The following RYR3 variants were observed in gnomAD, a reference collection of about 807,000 sequenced individuals.
RYR3 encodes the protein ryanodine receptor 3, also known as brain ryanodine receptor-calcium release channel.
In RYR3, 207 loss-of-function variants were observed where a neutral mutation model predicts 584.3. The observed-to-expected ratio is 0.35, with a 90% CI of 0.32 to 0.40. The LOEUF (loss-of-function observed/expected upper bound fraction) is 0.40, where lower values mean the gene tolerates loss of function less well. Ranked by LOEUF, RYR3 falls within the 10% of genes least tolerant of loss-of-function variation. The pLI is 1.00. For synonymous variants in RYR3, 2,416 were observed against 2,248.5 expected (o/e 1.07, Z -2.11); for missense variants, 5,616 against 6,089.2 (o/e 0.92, Z 2.59).
chr15:33,331,046 G>T (rs1433430380), intron 1 of RYR3, among the ~76,000 whole-genome samples: 1 of 152,092 alleles, frequency 6.6e-6, no homozygotes, highest in Non-Finnish European at 1.5e-5. Flanking sequence ...TTGTTTGTTT[G>T]GTTGGTTGGT....
chr15:33,563,822 T>C (rs2057547727), intron 11 of RYR3, among the ~76,000 whole-genome samples: 1 of 152,048 alleles, frequency 6.6e-6, no homozygotes. Context: ...CTTATTACCT[T>C]AAGGCAACAC....
chr15:33,723,452 C>G (rs1228106904), intron 44 of RYR3, among the ~76,000 whole-genome samples: 1 of 152,212 alleles, frequency 6.6e-6, no homozygotes, highest in Non-Finnish European at 1.5e-5. Flanking sequence ...GGTAGATTGT[C>G]TGATTGTCTT....
At chr15:33,652,449 T>C (rs2062538574) in intron 31 of RYR3, among the ~76,000 whole-genome samples, 1 of 152,188 alleles carries the variant, frequency 6.6e-6, no homozygotes, top group African/African-American at 2.4e-5. Flanking sequence ...GTGTTGACAT[T>C]GAGTCTGGAA....
At chr15:33,863,522 G>C (rs772190075) in intron 102 of RYR3, among the ~76,000 whole-genome samples, 1 of 152,172 alleles carries the variant, frequency 6.6e-6, no homozygotes, top group Non-Finnish European at 1.5e-5. Flanking sequence ...CGGTCTCTGA[G>C]ATCATATAAT....
intron 1 of RYR3, among the ~76,000 whole-genome samples, chr15:33,434,316 C>A (rs192120042): frequency 9.9e-5 from 15 of 151,956 alleles, no homozygotes; most frequent in African/African-American, 2.9e-4. Context: ...CTGCAAATCA[C>A]CTCCGTTGTC....
At chr15:33,667,786 C>T (rs116484516) in intron 36 of RYR3, among the ~76,000 whole-genome samples, 2,097 of 152,082 alleles carry the variant, frequency 0.014, 45 homozygotes, top group African/African-American at 0.048. Context: ...GAGTCAGGCC[C>T]GGCGCGGTGG....
chr15:33,345,582 G>A (rs759627949), intron 1 of RYR3, among the ~76,000 whole-genome samples: 1 of 152,100 alleles, frequency 6.6e-6, no homozygotes, highest in Non-Finnish European at 1.5e-5. Flanking sequence ...CCAGCCACAA[G>A]ACTAAGGAGA....
At chr15:33,512,878 C>G (rs556422726) in intron 3 of RYR3, among the ~76,000 whole-genome samples, 3 of 152,154 alleles carry the variant, frequency 2.0e-5, no homozygotes, top group Non-Finnish European at 4.4e-5. Context: ...TTCTCCAGGA[C>G]ACAATCTGTA....
chr15:33,494,044 A>G (rs1397924709), intron 2 of RYR3, among the ~76,000 whole-genome samples: 2 of 152,232 alleles, frequency 1.3e-5, no homozygotes, highest in African/African-American at 2.4e-5. Context: ...ATCAATGTCA[A>G]TTAATAGCTA....
intron 27 of RYR3, among the ~76,000 whole-genome samples, chr15:33,642,266 C>G (rs189897241): frequency 1.5e-4 from 23 of 152,306 alleles, no homozygotes; most frequent in Non-Finnish European, 5.9e-5. Flanking sequence ...CTGCTGCTCG[C>G]TTATTGCACC....
chr15:33,773,231 A>G (rs1023906269), intron 63 of RYR3, among the ~76,000 whole-genome samples: 5 of 152,236 alleles, frequency 3.3e-5, no homozygotes, highest in African/African-American at 9.6e-5. Context: ...AAACGAACCA[A>G]ATCGCATTAT....
chr15:33,430,715 C>G (rs139806627), intron 1 of RYR3, among the ~76,000 whole-genome samples: 1 of 152,272 alleles, frequency 6.6e-6, no homozygotes, highest in Non-Finnish European at 1.5e-5. Flanking sequence ...CTGACTCTAC[C>G]TTCCTTGGTT....
At chr15:33,466,726 A>T (rs2048518924) in intron 1 of RYR3, among the ~76,000 whole-genome samples, 1 of 152,192 alleles carries the variant, frequency 6.6e-6, no homozygotes. Flanking sequence ...TTTAAGAAGG[A>T]TCTTTATTTT....
At chr15:33,759,306 GA>G (rs2072190490) in intron 60 of RYR3, among the ~76,000 whole-genome samples, 1 of 152,208 alleles carries the variant, frequency 6.6e-6, no homozygotes. Context: ...TTGACAAATT[GA>G]CAGAAGTAGG....
At chr15:33,689,445 A>C (rs1028217445) in intron 38 of RYR3, among the ~76,000 whole-genome samples, 1 of 152,166 alleles carries the variant, frequency 6.6e-6, no homozygotes, top group African/African-American at 2.4e-5. Flanking sequence ...GCACACATAC[A>C]CACAGATGCA....
At position 33,557,732 on chromosome 15, in the gene RYR3, G is replaced by A. The variant is rs535538813; in HGVS notation, c.973-5105G>A. ...TTCCAGGAATATTAAACCAATCTTG[G>A]CAACTTGATCATCTCCAGCCAAACA... On this transcript the variant is annotated intron_variant, in intron 10 of 103. Coordinates refer to ENST00000634891, the MANE Select transcript of RYR3 (RefSeq NM_001036.6). Among the ~76,000 whole-genome samples the A allele has an allele frequency of 2.0e-5, 3 of 152,100 alleles. No homozygotes were observed. The South Asian group carries it at 6.2e-4, about 32-fold the overall frequency.
chr15:33,630,460 C>G (rs1352770809), intron 22 of RYR3, among the ~76,000 whole-genome samples: 1 of 152,230 alleles, frequency 6.6e-6, no homozygotes, highest in Non-Finnish European at 1.5e-5. Flanking sequence ...TTTAACTTCT[C>G]TAGCCTAAAT....
intron 1 of RYR3, among the ~76,000 whole-genome samples, chr15:33,377,319 T>G (rs1196450563): frequency 6.6e-6 from 1 of 152,188 alleles, no homozygotes; most frequent in Non-Finnish European, 1.5e-5. Flanking sequence ...CCTGGCTGCT[T>G]CCATCTGATA....
intron 64 of RYR3, among the ~76,000 whole-genome samples, chr15:33,779,725 G>A (rs1021894433): frequency 3.3e-5 from 5 of 152,138 alleles, no homozygotes; most frequent in Non-Finnish European, 5.9e-5. Flanking sequence ...GGATCTGGCC[G>A]GGCGTGGTGG....
Sources: gnomAD v4.1 joint callset for allele counts (sites outside exome capture counted in the v4.1 genomes callset) on GRCh38, gnomAD v4.1.1 for gene constraint, MANE v1.5 for transcripts, NCBI Gene and HGNC (gene_info 2026-07-23, HGNC 2026-07-21) for gene names.